BEND6: variants seen among roughly 807,000 people sequenced by gnomAD.
BEND6 encodes BEN domain containing 6.
BEND6 carries 24 observed loss-of-function variants against 31.8 expected under a neutral mutation model. That is an observed-to-expected ratio of 0.75 (90% CI 0.55 to 1.06). The LOEUF (loss-of-function observed/expected upper bound fraction) is 1.06, where lower values mean the gene tolerates loss of function less well. Among genes scored for constraint, BEND6 ranks in the 50% least tolerant of loss-of-function variants. The pLI, the probability that BEND6 is intolerant of heterozygous loss-of-function variation, is 0.00. For missense variants in BEND6, 294 were observed against 327.4 expected, an observed-to-expected ratio of 0.90 and a Z score of 0.79; for synonymous variants, 109 against 114.6, an observed-to-expected ratio of 0.95 and a Z score of 0.31.
At chr6:57,012,991 T>C (rs1827397576) in intron 3 of BEND6, among the ~76,000 whole-genome samples, 1 of 152,192 alleles carries the variant, frequency 6.6e-6, no homozygotes, top group Non-Finnish European at 1.5e-5. Flanking sequence ...GAATCTTGAC[T>C]TCCTCAGAGA....
At chr6:56,976,493 C>A (rs556080990) in intron 1 of BEND6, among the ~76,000 whole-genome samples, 23 of 151,340 alleles carry the variant, frequency 1.5e-4, no homozygotes, top group African/African-American at 5.3e-4. Flanking sequence ...CCATGCCCAG[C>A]CGCGTTAGTG....
At chr6:57,024,985 T>G (rs1472340432) in intron 6 of BEND6, among the ~76,000 whole-genome samples, 1 of 152,206 alleles carries the variant, frequency 6.6e-6, no homozygotes, top group African/African-American at 2.4e-5. Context: ...ACTTAATCCA[T>G]TCTGCTGTTG....
rs1309305663 is a variant in BEND6 at position 57,015,124 on chromosome 6, C to A, written c.299-9C>A. 5 of 1,609,724 alleles carry A rather than the reference C, an allele frequency of 3.1e-6. No homozygotes were observed. The highest frequency in any genetic ancestry group is 4.2e-6 in the Non-Finnish European group (5 of 1,177,094). Reference sequence around the variant, plus strand: ...TATTTGTAAAGTGTACTTTTTCTTGCCATTTTAGTGTTACCACAAGCAGTC... The same window carrying A: ...TATTTGTAAAGTGTACTTTTTCTTGACATTTTAGTGTTACCACAAGCAGTC... On this transcript the variant is annotated splice_polypyrimidine_tract_variant and intron_variant, in intron 3 of 6. Transcript: ENST00000370746.
At chr6:56,967,695 G>C (rs1825535052) in intron 1 of BEND6, among the ~76,000 whole-genome samples, 1 of 152,184 alleles carries the variant, frequency 6.6e-6, no homozygotes, top group Admixed American at 6.5e-5. Context: ...CTGTGGGAAT[G>C]GTACTACAGG....
At chr6:57,021,755 T>G (rs1287549262) in intron 6 of BEND6, among the ~76,000 whole-genome samples, 1 of 152,168 alleles carries the variant, frequency 6.6e-6, no homozygotes, top group Non-Finnish European at 1.5e-5. Context: ...CAAAGCGGCC[T>G]CAGGGTATAT....
intron 2 of BEND6, among the ~76,000 whole-genome samples, chr6:56,984,428 T>C (rs971300069): frequency 2.0e-5 from 3 of 152,186 alleles, no homozygotes; most frequent in Non-Finnish European, 4.4e-5. Context: ...ATATTTGTAC[T>C]TCCCTACAAC....
At chr6:56,962,294 T>C (rs1592962699) in intron 1 of BEND6, among the ~76,000 whole-genome samples, 1 of 152,238 alleles carries the variant, frequency 6.6e-6, no homozygotes, top group Non-Finnish European at 1.5e-5. Context: ...GACACCACTC[T>C]TGCCATATTT....
chr6:56,972,133 C>T (rs1825714105), intron 1 of BEND6, among the ~76,000 whole-genome samples: 1 of 114,416 alleles, frequency 8.7e-6, no homozygotes, highest in African/African-American at 3.3e-5. Flanking sequence ...CTTACTCTAT[C>T]ACCCAGGCTG....
intron 1 of BEND6, among the ~76,000 whole-genome samples, chr6:56,975,331 A>T (rs1442402303): frequency 6.6e-6 from 1 of 152,190 alleles, no homozygotes. Flanking sequence ...TTTTCTTTAA[A>T]AAAATGAAAA....
chr6:56,971,835 A>G (rs1825699477), intron 1 of BEND6, among the ~76,000 whole-genome samples: 1 of 152,110 alleles, frequency 6.6e-6, no homozygotes, highest in African/African-American at 2.4e-5. Context: ...AGTTTTAAGA[A>G]TTCTGTGCGT....
intron 2 of BEND6, among the ~76,000 whole-genome samples, chr6:56,991,977 C>T (rs1826520655): frequency 1.3e-5 from 2 of 152,180 alleles, no homozygotes; most frequent in Admixed American, 1.3e-4. Flanking sequence ...TTTATTAAAT[C>T]ATTTGTCTGT....
At chr6:56,963,996 A>G (rs1000361297) in intron 1 of BEND6, among the ~76,000 whole-genome samples, 2 of 145,554 alleles carry the variant, frequency 1.4e-5, no homozygotes, top group Non-Finnish European at 3.0e-5. Flanking sequence ...AATTATTGTT[A>G]TAAAATAAGA....
chr6:56,968,513 G>T (rs1261349533), intron 1 of BEND6, among the ~76,000 whole-genome samples: 3 of 150,508 alleles, frequency 2.0e-5, no homozygotes, highest in African/African-American at 7.3e-5. Flanking sequence ...TTGTAGAAAT[G>T]GATTCTCACC....
chr6:57,016,864 T>C (rs887589674), intron 4 of BEND6, among the ~76,000 whole-genome samples: 1 of 152,138 alleles, frequency 6.6e-6, no homozygotes, highest in Non-Finnish European at 1.5e-5. Context: ...ATGTGACCTT[T>C]CAGAGGGCCA....
chr6:56,982,008 G>C, intron 2 of BEND6, 78 bp downstream of exon 2: 2 of 1,390,190 alleles, frequency 1.4e-6, no homozygotes, highest in Non-Finnish European at 1.9e-6. Flanking sequence ...TAATTTATTA[G>C]TGCTTCTCCC....
rs76086276 is a variant in BEND6, at chr6:56,986,410, C to T, written c.120+4480C>T. ...CTAAAATTGTGTCACTGCACTCCAG[C>T]CCGGGCAAAAGAGCAAGACCTGTTT... is the stretch of plus-strand genomic sequence containing the variant. On this transcript the variant is annotated intron_variant, in intron 2 of 6. Coordinates refer to ENST00000370746, the MANE Select transcript of BEND6 (RefSeq NM_152731.3). 3.0e-4 allele frequency among the ~76,000 whole-genome samples: 45 copies of T among 151,800 alleles called. 1 individual carries two copies. The East Asian group carries it at 8.7e-3, about 29-fold the overall frequency.
chr6:57,014,394 A>T, intron 3 of BEND6: 1 of 985,422 alleles, frequency 1.0e-6, no homozygotes, highest in Non-Finnish European at 1.4e-6. Context: ...TCAACCATAT[A>T]GTGAGGAACT....
chr6:56,976,218 T>C lies in BEND6; in HGVS notation c.-100-5493T>C, dbSNP rs191044418. 8.1e-4 allele frequency among the ~76,000 whole-genome samples: 120 copies of C among 148,952 alleles called. 1 individual carries two copies. The East Asian group carries it at 0.021, about 26-fold the overall frequency. ...AGTGCTTTTTTTTTTTTTTTTGAGATACAGTCTCGCTCTGTCACCCAGGCT... is the reference window on the plus strand; with the variant it reads ...AGTGCTTTTTTTTTTTTTTTTGAGACACAGTCTCGCTCTGTCACCCAGGCT... On this transcript the variant is annotated intron_variant, in intron 1 of 6. Transcript: ENST00000370746.
rs9475767 is a variant in BEND6, at chr6:57,016,594, C to G, written c.520-613C>G. 5.2e-3 allele frequency among the ~76,000 whole-genome samples: 789 copies of G among 152,342 alleles called. 6 individuals are homozygous for G. The highest frequency in any genetic ancestry group is 0.018 in the African/African-American group (760 of 41,572). On this transcript the variant is annotated intron_variant, in intron 4 of 6. Coordinates refer to ENST00000370746, the MANE Select transcript of BEND6 (RefSeq NM_152731.3). ...AGAAGCAATCACATTCCTTGGTTCA[C>G]AGCCCACTTCGGCCATCTTCAAAGC... is the stretch of plus-strand genomic sequence containing the variant.
Sources: gnomAD v4.1 joint callset for allele counts (sites outside exome capture counted in the v4.1 genomes callset) on GRCh38, gnomAD v4.1.1 for gene constraint, MANE v1.5 for transcripts, NCBI Gene and HGNC (gene_info 2026-07-23, HGNC 2026-07-21) for gene names.